The following SPA17 variants were observed in gnomAD, a reference collection of about 807,000 sequenced individuals.
SPA17 encodes sperm surface protein Sp17.
In SPA17, 7 loss-of-function variants were observed where a neutral mutation model predicts 13.8. That is an observed-to-expected ratio of 0.51 (90% CI 0.29 to 0.95). The LOEUF (loss-of-function observed/expected upper bound fraction) is 0.95, where lower values mean the gene tolerates loss of function less well. Among genes scored for constraint, SPA17 ranks in the 40% least tolerant of loss-of-function variants. The pLI is 0.08. For synonymous variants in SPA17, 61 were observed against 59.0 expected, an observed-to-expected ratio of 1.03 and a Z score of -0.16; for missense variants, 170 against 179.3, an observed-to-expected ratio of 0.95 and a Z score of 0.30.
intron 4 of SPA17, among the ~76,000 whole-genome samples, chr11:124,692,244 AC>A (rs1412659251): frequency 6.6e-6 from 1 of 152,206 alleles, no homozygotes; most frequent in Non-Finnish European, 1.5e-5. Context: ...ATAACGCTCT[AC>A]AAAAATGCCT....
At chr11:124,693,572 A>G (rs1943644078) in intron 4 of SPA17, among the ~76,000 whole-genome samples, 1 of 152,160 alleles carries the variant, frequency 6.6e-6, no homozygotes, top group Non-Finnish European at 1.5e-5. Flanking sequence ...AATAATGGGT[A>G]TCTCCCAAGA....
At chr11:124,675,865 A>G (rs1943456437) in intron 2 of SPA17, 1 of 156,492 alleles carries the variant, frequency 6.4e-6, no homozygotes, top group Non-Finnish European at 1.4e-5. Flanking sequence ...TAAGTACTGC[A>G]AAAAGAATTC....
At chr11:124,690,416 G>A (rs1472777646) in intron 3 of SPA17, among the ~76,000 whole-genome samples, 1 of 152,150 alleles carries the variant, frequency 6.6e-6, no homozygotes, top group African/African-American at 2.4e-5. Flanking sequence ...GAAAAAATGT[G>A]TTTAAATGGA....
rs566090699 is a variant in SPA17, at chr11:124,694,741, T to C, written c.*295T>C. The C allele has an allele frequency of 8.1e-6, 2 of 245,972 alleles. No individual in the cohort carries two copies. The highest frequency in any genetic ancestry group is 4.5e-5 in the African/African-American group (2 of 44,000). The allele number at this position is 245,972 out of a possible 1,614,324, so 15.2% of individuals were successfully genotyped here. On this transcript the variant is annotated 3_prime_UTR_variant, in exon 5 of 5. Transcript: ENST00000227135. The stretch of plus-strand genomic sequence containing the variant: ...GAGATTACAGAGATCTCAGAGGTTA[T>C]GTGTTCTAACTATTATCAAATGAAT...
intron 3 of SPA17, among the ~76,000 whole-genome samples, chr11:124,687,866 G>A (rs555387121): frequency 6.6e-6 from 1 of 152,168 alleles, no homozygotes; most frequent in African/African-American, 2.4e-5. Flanking sequence ...ATCCCCCAAA[G>A]AACAGGAACA....
rs1943680310 is a variant in SPA17 at position 124,697,092 on chromosome 11, A to G, written c.*2646A>G. On this transcript the variant is annotated 3_prime_UTR_variant, in exon 5 of 5. Transcript: ENST00000227135. ...ATAAAATAATACTCAGAATCTGCCT[A>G]CTTCTAACCACTTCCATTGTTACCG... 1 of 152,220 alleles carries G rather than the reference A, an allele frequency of 6.6e-6. No homozygotes were observed. Among genetic ancestry groups the G allele is most frequent in the South Asian group, 2.1e-4 (1 of 4,828 alleles). 9.4% of individuals were successfully genotyped at this position (152,220 alleles called of 1,614,324 possible). A position where few individuals can be genotyped will look rare whatever the true frequency, so the allele number is the denominator to read the frequency against.
chr11:124,677,275 G>A (rs936523845), intron 2 of SPA17, among the ~76,000 whole-genome samples: 3 of 152,096 alleles, frequency 2.0e-5, no homozygotes, highest in African/African-American at 7.2e-5. Flanking sequence ...ATGGACCTCT[G>A]GCTCAGTCTC....
intron 4 of SPA17, among the ~76,000 whole-genome samples, chr11:124,692,470 C>T (rs899351143): frequency 6.6e-6 from 1 of 152,020 alleles, no homozygotes; most frequent in Non-Finnish European, 1.5e-5. Context: ...GTTCCAGCTA[C>T]TCGGGAGGCT....
intron 2 of SPA17, among the ~76,000 whole-genome samples, chr11:124,677,616 G>A (rs927659469): frequency 6.6e-6 from 1 of 151,916 alleles, no homozygotes; most frequent in Admixed American, 6.6e-5. Context: ...TCAAAAATTC[G>A]GAAGCAATTA....
rs1297578764 is a variant in SPA17, at chr11:124,696,947, C to CA, written c.*2506dup. 6.6e-6 allele frequency: 1 copy of CA among 152,192 alleles called. No homozygotes were observed. The highest frequency in any genetic ancestry group is 1.5e-5 in the Non-Finnish European group (1 of 68,050). The allele number at this position is 152,192 out of a possible 1,614,324, so 9.4% of individuals were successfully genotyped here. On this transcript the variant is annotated 3_prime_UTR_variant, in exon 5 of 5. Coordinates refer to ENST00000227135, the MANE Select transcript of SPA17 (RefSeq NM_017425.4). The stretch of plus-strand genomic sequence containing the variant: ...TCCCCCACACCCAAGTTTTTCCATT[C>CA]AAAAATGGCTGCTCCATTCTTCCAT...
chr11:124,696,034 T>C lies in SPA17; in HGVS notation c.*1588T>C, dbSNP rs904429456. Reference sequence around the variant, plus strand: ...TGATTCACACCAACCCTTTCAAGGTTGTGGCTTTCATTCTCTAATGTCCAC... The same window carrying C: ...TGATTCACACCAACCCTTTCAAGGTCGTGGCTTTCATTCTCTAATGTCCAC... On this transcript the variant is annotated 3_prime_UTR_variant, in exon 5 of 5. Coordinates refer to ENST00000227135, the MANE Select transcript of SPA17 (RefSeq NM_017425.4). 2.0e-5 allele frequency: 3 copies of C among 152,252 alleles called. No homozygotes were observed. The highest frequency in any genetic ancestry group is 2.0e-4 in the Admixed American group (3 of 15,284). 9.4% of individuals were successfully genotyped at this position (152,252 alleles called of 1,614,324 possible).
In SPA17 at chr11:124,694,531, G is replaced by A. The variant is rs1033881592; in HGVS notation, c.*85G>A. 2 of 1,501,282 alleles carry A rather than the reference G, an allele frequency of 1.3e-6. No homozygotes were observed. The highest frequency in any genetic ancestry group is 1.8e-6 in the Non-Finnish European group (2 of 1,117,118). 93.0% of individuals were successfully genotyped at this position (1,501,282 alleles called of 1,614,324 possible). On this transcript the variant is annotated 3_prime_UTR_variant, in exon 5 of 5. Transcript: ENST00000227135. ...TTAATGTCATTTCTTCCTGAGGAAG[G>A]AAGATTTGATGTTGTGAAATAACAT...
chr11:124,694,041 G>A (rs1213906205), intron 4 of SPA17, among the ~76,000 whole-genome samples: 1 of 152,050 alleles, frequency 6.6e-6, no homozygotes, highest in African/African-American at 2.4e-5. Flanking sequence ...AACTTAAATA[G>A]GCACTATTTT....
Position 124,694,362 on chromosome 11 carries a change from C to T in SPA17, c.372C>T (p.Ala124=). 6.2e-7 allele frequency: 1 copy of T among 1,613,888 alleles called. No homozygotes were observed. The highest frequency in any genetic ancestry group is 8.5e-7 in the Non-Finnish European group (1 of 1,179,932). The change falls in exon 5 of 5, where the codon GCC becomes GCT. Residue 124 remains alanine (A), a synonymous_variant. Coordinates refer to ENST00000227135, the MANE Select transcript of SPA17 (RefSeq NM_017425.4). ...EEVAAVKIQA[A]FRGHIAREEA... Reference sequence around the variant, plus strand: ...TTGCTGCTGTCAAAATCCAAGCTGCCTTCCGGGGACACATAGCCAGAGAGG... The same window carrying T: ...TTGCTGCTGTCAAAATCCAAGCTGCTTTCCGGGGACACATAGCCAGAGAGG...
At chr11:124,681,312 T>G in intron 2 of SPA17, 77 bp from the exon 3 acceptor site, 1 of 1,206,930 alleles carries the variant, frequency 8.3e-7, no homozygotes, top group Non-Finnish European at 1.1e-6. Context: ...AACAAGAAAC[T>G]TACATTTGTG....
At position 124,675,331 on chromosome 11, in the gene SPA17, C is replaced by T; in HGVS notation, c.67C>T (p.Leu23=). 6.2e-7 allele frequency: 1 copy of T among 1,614,192 alleles called. No homozygotes were observed. Among genetic ancestry groups the T allele is most frequent in the Non-Finnish European group, 8.5e-7 (1 of 1,180,036 alleles). The change falls in exon 2 of 5, where the codon CTG becomes TTG. Residue 23 remains leucine, a synonymous_variant. Transcript: ENST00000227135. ...AGGATTTGGGAATCTTCTTGAAGGGCTGACACGCGAGATTCTGAGAGAGCA... is the reference window on the plus strand; with the variant it reads ...AGGATTTGGGAATCTTCTTGAAGGGTTGACACGCGAGATTCTGAGAGAGCA... ...PQGFGNLLEG[L]TREILREQPD...
At chr11:124,676,823 T>C (rs893514462) in intron 2 of SPA17, among the ~76,000 whole-genome samples, 3 of 152,214 alleles carry the variant, frequency 2.0e-5, no homozygotes, top group Non-Finnish European at 2.9e-5. Flanking sequence ...AAATTGTCTC[T>C]ACACCAAAGC....
intron 3 of SPA17, among the ~76,000 whole-genome samples, chr11:124,688,659 C>G (rs1943597231): frequency 1.3e-5 from 2 of 152,168 alleles, no homozygotes; most frequent in African/African-American, 4.8e-5. Flanking sequence ...CCATACTTCT[C>G]AAAACAATCT....
chr11:124,686,488 T>C (rs1396504292), intron 3 of SPA17, among the ~76,000 whole-genome samples: 2 of 152,220 alleles, frequency 1.3e-5, no homozygotes, highest in Admixed American at 6.5e-5. Context: ...GCAGAATATA[T>C]ATTCTTTTCA....
Sources: allele counts gnomAD v4.1 joint callset (sites outside exome capture counted in the v4.1 genomes callset), GRCh38; gene constraint gnomAD v4.1.1; transcripts MANE v1.5; gene names NCBI Gene and HGNC (gene_info 2026-07-23, HGNC 2026-07-21).